Variants in PIK3CB observed in about 807,000 individuals in gnomAD.
The protein encoded by PIK3CB is phosphatidylinositol-4,5-bisphosphate 3-kinase catalytic subunit beta.
PIK3CB carries 39 observed loss-of-function variants against 136.8 expected under a neutral mutation model. The observed-to-expected ratio is 0.29, with a 90% confidence interval of 0.22 to 0.37. The LOEUF (loss-of-function observed/expected upper bound fraction) is 0.37. PIK3CB is among the 10% of genes least tolerant of loss of function. The pLI, the probability that PIK3CB is intolerant of heterozygous loss-of-function variation, is 1.00. For missense variants in PIK3CB, 868 were observed against 1,275.4 expected (o/e 0.68, Z 4.87); for synonymous variants, 428 against 436.6 (o/e 0.98, Z 0.25).
chr3:138,685,971 T>G (rs967966434), intron 16 of PIK3CB, among the ~76,000 whole-genome samples: 1 of 151,854 alleles, frequency 6.6e-6, no homozygotes, highest in African/African-American at 2.4e-5. Context: ...ACCCCCTATC[T>G]ACTAAAAATA....
chr3:138,807,721 C>T (rs1370806724), intron 1 of PIK3CB, among the ~76,000 whole-genome samples: 2 of 151,754 alleles, frequency 1.3e-5, no homozygotes, highest in Non-Finnish European at 2.9e-5. Context: ...GACAAGATCT[C>T]ATCTACACTA....
intron 2 of PIK3CB, among the ~76,000 whole-genome samples, chr3:138,793,896 C>T (rs529978778): frequency 2.0e-5 from 3 of 152,276 alleles, no homozygotes; most frequent in South Asian, 4.1e-4. Flanking sequence ...AGCCAGGCCA[C>T]GTAGTGTTCT....
intron 4 of PIK3CB, among the ~76,000 whole-genome samples, chr3:138,746,027 C>T (rs1001122809): frequency 2.0e-5 from 3 of 151,282 alleles, no homozygotes; most frequent in Non-Finnish European, 4.4e-5. Context: ...TGGGAGGATT[C>T]CTTGAGGTCA....
intron 13 of PIK3CB, among the ~76,000 whole-genome samples, chr3:138,697,465 T>TCC (rs2044162347): frequency 6.6e-6 from 1 of 151,484 alleles, no homozygotes. Flanking sequence ...AGACAGGGTC[T>TCC]CCCTCTGTCA....
chr3:138,734,330 AG>A lies in PIK3CB; in HGVS notation c.972+303del, dbSNP rs140578714. Among the ~76,000 whole-genome samples the A allele has an allele frequency of 4.8e-4, 73 of 152,346 alleles. 4 individuals are homozygous for A. In the East Asian group the frequency reaches 0.014, roughly 29 times the overall value. Reference sequence around the variant, plus strand: ...TTTCTGCACATCTAACTTTTCTACTAGGATGTCTCCAATTACTCATTGAAGT... The same window carrying A: ...TTTCTGCACATCTAACTTTTCTACTAGATGTCTCCAATTACTCATTGAAGT... On this transcript the variant is annotated intron_variant, in intron 7 of 23. Coordinates refer to ENST00000674063, the MANE Select transcript of PIK3CB (RefSeq NM_006219.3).
chr3:138,667,362 CAT>C (rs2043434537), intron 19 of PIK3CB, among the ~76,000 whole-genome samples: 1 of 151,934 alleles, frequency 6.6e-6, no homozygotes, highest in African/African-American at 2.4e-5. Context: ...GGACTTCTGT[CAT>C]ACTCCTAAAA....
chr3:138,750,543 G>C (rs1036806807), intron 4 of PIK3CB, among the ~76,000 whole-genome samples: 1 of 152,122 alleles, frequency 6.6e-6, no homozygotes, highest in South Asian at 2.1e-4. Flanking sequence ...AAGTTCAGGT[G>C]GTAATGCTCA....
chr3:138,722,307 T>A (rs2044745647), intron 8 of PIK3CB, among the ~76,000 whole-genome samples: 1 of 151,616 alleles, frequency 6.6e-6, no homozygotes. Context: ...TGGTAAATCA[T>A]AAATAAAACA....
chr3:138,770,660 G>C (rs1294092157), intron 2 of PIK3CB: 1 of 145,554 alleles, frequency 6.9e-6, no homozygotes, highest in African/African-American at 2.5e-5. Context: ...CAGTGAGTCG[G>C]AAAAAAAAAA....
At chr3:138,767,017 A>G (rs1489112623) in intron 2 of PIK3CB, among the ~76,000 whole-genome samples, 1 of 151,446 alleles carries the variant, frequency 6.6e-6, no homozygotes, top group Non-Finnish European at 1.5e-5. Context: ...TTTTGAGACA[A>G]AAAAAAAGTA....
chr3:138,775,783 G>A (rs1374617128), intron 2 of PIK3CB, among the ~76,000 whole-genome samples: 3 of 152,254 alleles, frequency 2.0e-5, no homozygotes, highest in Non-Finnish European at 2.9e-5. Context: ...ATCTTTATCT[G>A]TTATGCATTA....
In PIK3CB at chr3:138,665,215, A is replaced by T. The variant is rs2043383382; in HGVS notation, c.2505-12T>A. 6.4e-7 allele frequency: 1 copy of T among 1,566,524 alleles called. No individual in the cohort carries two copies. On this transcript the variant is annotated splice_polypyrimidine_tract_variant and intron_variant, in intron 19 of 23. Transcript: ENST00000674063. ...CATAAGGCAACATCCTGGAAGGAAA[A>T]AAATGGGCATAGAGTCATATTTTCC...
intron 12 of PIK3CB, among the ~76,000 whole-genome samples, chr3:138,702,559 T>C (rs2044277558): frequency 1.3e-5 from 2 of 152,148 alleles, no homozygotes; most frequent in Admixed American, 1.3e-4. Flanking sequence ...AGCAATATTG[T>C]CTTATAAAGG....
intron 4 of PIK3CB, among the ~76,000 whole-genome samples, chr3:138,753,953 C>T (rs1309772886): frequency 6.6e-6 from 1 of 151,924 alleles, no homozygotes; most frequent in Non-Finnish European, 1.5e-5. Flanking sequence ...TATTTTAATC[C>T]ACAGAAACAA....
intron 2 of PIK3CB, among the ~76,000 whole-genome samples, chr3:138,772,744 G>C (rs1483889457): frequency 6.7e-6 from 1 of 148,232 alleles, no homozygotes. Flanking sequence ...AAAGTTTTGG[G>C]ATTACAAGCA....
chr3:138,779,183 G>T lies in PIK3CB; in HGVS notation c.-17+17280C>A, dbSNP rs551607930. On this transcript the variant is annotated intron_variant, in intron 2 of 23. Transcript: ENST00000674063. ...ATACTGCAAGCTCTGCCTCCTGGGT[G>T]CACGCCATTCTCCTGCCTCAGCTTC... Among the ~76,000 whole-genome samples, 472 of 150,232 alleles carry T rather than the reference G, an allele frequency of 3.1e-3. 2 individuals carry two copies. The highest frequency in any genetic ancestry group is 0.011 in the African/African-American group (452 of 40,820).
At chr3:138,700,360 G>A (rs1398692458) in intron 12 of PIK3CB, among the ~76,000 whole-genome samples, 1 of 152,160 alleles carries the variant, frequency 6.6e-6, no homozygotes, top group East Asian at 1.9e-4. Context: ...GGCTGGGGTA[G>A]GGAAAGTACT....
chr3:138,684,268 C>T (rs775522235), intron 17 of PIK3CB, among the ~76,000 whole-genome samples: 4 of 152,090 alleles, frequency 2.6e-5, no homozygotes, highest in Admixed American at 1.3e-4. Context: ...TCACTCAAGA[C>T]AAGATCTTAT....
chr3:138,805,662 A>G (rs566702107), intron 1 of PIK3CB, among the ~76,000 whole-genome samples: 1 of 151,872 alleles, frequency 6.6e-6, no homozygotes, highest in Admixed American at 6.6e-5. Context: ...ACAGAGCGAG[A>G]CTCCGTCTCA....
Sources: gnomAD v4.1 joint callset for allele counts (sites outside exome capture counted in the v4.1 genomes callset) on GRCh38, gnomAD v4.1.1 for gene constraint, MANE v1.5 for transcripts, NCBI Gene and HGNC (gene_info 2026-07-23, HGNC 2026-07-21) for gene names.